The following SLC44A1 variants were observed in gnomAD, a reference collection of about 807,000 sequenced individuals.
The protein encoded by SLC44A1 is choline transporter-like protein 1.
Under a neutral mutation model 79.3 loss-of-function variants are expected in SLC44A1, and 26 were observed. The ratio of observed to expected loss-of-function variants is 0.33; its 90% CI spans 0.24 to 0.46. SLC44A1 has a LOEUF of 0.46. SLC44A1 is among the 20% of genes least tolerant of loss of function. SLC44A1 has a pLI of 1.00. For synonymous variants in SLC44A1, 263 were observed against 286.2 expected (o/e 0.92, Z 0.82); for missense variants, 688 against 798.1 (o/e 0.86, Z 1.66).
At chr9:105,325,302 A>G (rs1401656552) in intron 3 of SLC44A1, among the ~76,000 whole-genome samples, 2 of 152,266 alleles carry the variant, frequency 1.3e-5, no homozygotes, top group East Asian at 3.8e-4. Context: ...ACAAATGTAT[A>G]GAGACATAAG....
chr9:105,277,817 G>A (rs1830244985), intron 1 of SLC44A1, among the ~76,000 whole-genome samples: 1 of 152,028 alleles, frequency 6.6e-6, no homozygotes, highest in African/African-American at 2.4e-5. Context: ...TGACACAAGA[G>A]TACTAAAAAA....
chr9:105,278,406 G>A (rs1446062186), intron 1 of SLC44A1, among the ~76,000 whole-genome samples: 1 of 152,042 alleles, frequency 6.6e-6, no homozygotes, highest in Admixed American at 6.5e-5. Context: ...CCGCCACCAC[G>A]CCCGGTTAAT....
chr9:105,253,857 T>G (rs1426743037), intron 1 of SLC44A1, among the ~76,000 whole-genome samples: 23 of 152,088 alleles, frequency 1.5e-4, no homozygotes, highest in Non-Finnish European at 3.2e-4. Flanking sequence ...CCAAGTAGCT[T>G]GGACTACAGG....
intron 15 of SLC44A1, among the ~76,000 whole-genome samples, chr9:105,410,578 C>T (rs778844678): frequency 2.0e-5 from 3 of 152,118 alleles, no homozygotes; most frequent in South Asian, 2.1e-4. Flanking sequence ...GAAGTGTTGA[C>T]GAGAACACTC....
intron 4 of SLC44A1, among the ~76,000 whole-genome samples, chr9:105,342,675 T>G (rs1338550260): frequency 2.0e-5 from 3 of 152,200 alleles, no homozygotes; most frequent in African/African-American, 7.2e-5. Context: ...ACTGTCCCCA[T>G]TGTTCAGCAT....
intron 1 of SLC44A1, among the ~76,000 whole-genome samples, chr9:105,254,476 A>G (rs904911610): frequency 6.6e-6 from 1 of 152,348 alleles, no homozygotes; most frequent in East Asian, 1.9e-4. Context: ...TTTGCCAGCA[A>G]GGTGGCGGCA....
chr9:105,299,910 AATGG>A, intron 2 of SLC44A1: 1 of 985,604 alleles, frequency 1.0e-6, no homozygotes, highest in Non-Finnish European at 1.2e-6. Context: ...GGGTATAGAG[AATGG>A]AGGAGCAGAG....
chr9:105,319,864 T>C (rs1323085221), intron 3 of SLC44A1, among the ~76,000 whole-genome samples: 2 of 152,218 alleles, frequency 1.3e-5, no homozygotes, highest in Non-Finnish European at 2.9e-5. Context: ...ATTTCATTGT[T>C]ATAGTTTTGT....
At chr9:105,432,569 T>G (rs1443603232) in intron 15 of SLC44A1, among the ~76,000 whole-genome samples, 3 of 152,206 alleles carry the variant, frequency 2.0e-5, no homozygotes, top group Admixed American at 2.0e-4. Flanking sequence ...AAAGCTTTGT[T>G]GCCATATGGT....
In SLC44A1 at chr9:105,392,626, G is replaced by C; in HGVS notation, c.*3570G>C. 2 of 985,340 alleles carry C rather than the reference G, an allele frequency of 2.0e-6. No homozygotes were observed. The highest frequency in any genetic ancestry group is 2.4e-6 in the Non-Finnish European group (2 of 829,978). 61.0% of individuals were successfully genotyped at this position (985,340 alleles called of 1,614,324 possible). On this transcript the variant is annotated 3_prime_UTR_variant, in exon 16 of 16. Transcript: ENST00000374720. ...TACCTCTCCCTCCCTCTTCAAAACAGCTACAGGAACTGCAGGCACCACATA... is the reference window on the plus strand; with the variant it reads ...TACCTCTCCCTCCCTCTTCAAAACACCTACAGGAACTGCAGGCACCACATA...
chr9:105,320,511 A>G (rs1044898623), intron 3 of SLC44A1, among the ~76,000 whole-genome samples: 2 of 152,046 alleles, frequency 1.3e-5, no homozygotes, highest in African/African-American at 4.8e-5. Flanking sequence ...TAGGAGGGTT[A>G]TATTTGCTTC....
intron 5 of SLC44A1, among the ~76,000 whole-genome samples, chr9:105,355,061 TA>T (rs1226162662): frequency 6.6e-6 from 1 of 152,236 alleles, no homozygotes; most frequent in East Asian, 1.9e-4. Flanking sequence ...GGATACCATT[TA>T]AAAAAAGTTG....
At position 105,392,767 on chromosome 9, in the gene SLC44A1, CA is replaced by C; in HGVS notation, c.*3712del. 3 of 985,292 alleles carry C rather than the reference CA, an allele frequency of 3.0e-6. No individual in the cohort carries two copies. The highest frequency in any genetic ancestry group is 3.6e-6 in the Non-Finnish European group (3 of 829,838). The allele number at this position is 985,292 out of a possible 1,614,324, so 61.0% of individuals were successfully genotyped here. ...AGCCTGCAAGGTAGAATTCTGGGAT[CA>C]GTTCCAAAACCAGAACTGCCAGTAA... is the stretch of plus-strand genomic sequence containing the variant. On this transcript the variant is annotated 3_prime_UTR_variant, in exon 16 of 16. Coordinates refer to ENST00000374720, the MANE Select transcript of SLC44A1 (RefSeq NM_080546.5).
Position 105,259,716 on chromosome 9 carries a change from T to C in SLC44A1, c.36+14812T>C, listed in dbSNP as rs117928162. Among the ~76,000 whole-genome samples, 8 of 152,358 alleles carry C rather than the reference T, an allele frequency of 5.3e-5. No homozygotes were observed. The East Asian group carries it at 1.5e-3, about 29-fold the overall frequency. ...ACCAAGTTTTAAGTATATTTTGACA[T>C]ATTTTGAAACTAGCCATAGTTTTAA... On this transcript the variant is annotated intron_variant, in intron 1 of 15. Coordinates refer to ENST00000374720, the MANE Select transcript of SLC44A1 (RefSeq NM_080546.5).
intron 1 of SLC44A1, among the ~76,000 whole-genome samples, chr9:105,286,319 T>A (rs1830477143): frequency 6.6e-6 from 1 of 152,220 alleles, no homozygotes; most frequent in Non-Finnish European, 1.5e-5. Flanking sequence ...CTGTAGTACG[T>A]ACTGACCATT....
intron 15 of SLC44A1, among the ~76,000 whole-genome samples, chr9:105,421,180 G>A (rs1288308815): frequency 7.9e-5 from 12 of 152,132 alleles, no homozygotes; most frequent in Non-Finnish European, 1.2e-4. Flanking sequence ...AATATATGAT[G>A]TGATAAATGG....
intron 2 of SLC44A1, among the ~76,000 whole-genome samples, chr9:105,304,944 GTT>G (rs10589897): frequency 0.13 from 2,525 of 20,068 alleles, 380 homozygotes; most frequent in Non-Finnish European, 0.18. Flanking sequence ...ACTTTCTATC[GTT>G]TTTTTTTTTT....
rs79089616 is a variant in SLC44A1 at position 105,413,430 on chromosome 9, C to T, written c.1951-24851C>T. Among the ~76,000 whole-genome samples the T allele has an allele frequency of 3.7e-3, 564 of 152,290 alleles. 3 individuals carry two copies. Among genetic ancestry groups the T allele is most frequent in the African/African-American group, 0.013 (541 of 41,560 alleles). ...GGTGCCGCCCATCTTCCTGGTTTTCCCCTTCTCTGGCCTGTCTGGAATGCA... is the reference window on the plus strand; with the variant it reads ...GGTGCCGCCCATCTTCCTGGTTTTCTCCTTCTCTGGCCTGTCTGGAATGCA... On this transcript the variant is annotated intron_variant, in intron 15 of 15. Transcript: ENST00000374724.
chr9:105,437,082 G>A (rs770590417), intron 15 of SLC44A1, among the ~76,000 whole-genome samples: 17 of 151,956 alleles, frequency 1.1e-4, no homozygotes, highest in Non-Finnish European at 1.8e-4. Flanking sequence ...AAACTGAGCC[G>A]GCCCTTATTT....
Sources: gnomAD v4.1 joint callset for allele counts (sites outside exome capture counted in the v4.1 genomes callset) on GRCh38, gnomAD v4.1.1 for gene constraint, MANE v1.5 for transcripts, NCBI Gene and HGNC (gene_info 2026-07-23, HGNC 2026-07-21) for gene names.